Variants in SKIC2 observed in about 807,000 individuals in gnomAD.
SKIC2 encodes the protein superkiller complex protein 2.
At chr6:31,965,499 A>G in the SKIC2 span, among the ~76,000 whole-genome samples, 2 of 152,276 alleles carry the variant, frequency 1.3e-5, no homozygotes, top group Non-Finnish European at 2.9e-5. The surrounding 1 kb of genome is among the most constrained non-coding windows in gnomAD (Gnocchi z 5.6). Context: ...ATAAGATCAT[A>G]TTTATATAAA....
chr6:31,966,560 T>C, the SKIC2 span: 2 of 736,156 alleles, frequency 2.7e-6, no homozygotes, highest in African/African-American at 1.7e-5. The surrounding 1 kb of genome is among the most constrained non-coding windows in gnomAD (Gnocchi z 5.9). Flanking sequence ...CTCCCTTATG[T>C]TACAGAAGAG....
At chr6:31,960,954 C>T in the SKIC2 span, 3 of 1,045,294 alleles carry the variant, frequency 2.9e-6, no homozygotes, top group South Asian at 2.5e-5. Flanking sequence ...AGCATCTGTC[C>T]TGTAAATGGT....
At chr6:31,968,412 C>G in the SKIC2 span, 1 of 1,612,994 alleles carries the variant, frequency 6.2e-7, no homozygotes, top group Non-Finnish European at 8.5e-7. The surrounding 1 kb of genome is among the most constrained non-coding windows in gnomAD (Gnocchi z 6.1). Context: ...GACCTCCCAC[C>G]CTCGACCCTG....
At chr6:31,962,988 G>A in the SKIC2 span, 1 of 1,609,250 alleles carries the variant, frequency 6.2e-7, no homozygotes, top group Non-Finnish European at 8.5e-7. The surrounding 1 kb of genome is among the most constrained non-coding windows in gnomAD (Gnocchi z 5.0). Flanking sequence ...TGCCCAGCGT[G>A]GGGTCGTGTG....
chr6:31,962,656 C>T, the SKIC2 span: 3 of 1,606,544 alleles, frequency 1.9e-6, no homozygotes, highest in Non-Finnish European at 2.6e-6. This position sits in a 1 kb window ranked among gnomAD's most constrained non-coding sequence, Gnocchi z 5.0. Context: ...AGTGTGCTGT[C>T]TGAGGAGGGG....
chr6:31,962,448 C>G, the SKIC2 span: 1 of 1,614,110 alleles, frequency 6.2e-7, no homozygotes, highest in Admixed American at 1.7e-5. This position sits in a 1 kb window ranked among gnomAD's most constrained non-coding sequence, Gnocchi z 5.0. Context: ...GCACCATCTA[C>G]ACTTCGCCCA....
chr6:31,961,306 C>T, the SKIC2 span: 1 of 1,600,858 alleles, frequency 6.2e-7, no homozygotes, highest in South Asian at 1.1e-5. Context: ...GCCAGGAGGT[C>T]CCAGAGGGGA....
chr6:31,961,211 CTCCT>C, the SKIC2 span: 2 of 1,613,986 alleles, frequency 1.2e-6, no homozygotes, highest in Non-Finnish European at 1.7e-6. Flanking sequence ...CCAACTCCAG[CTCCT>C]GGACTACTAA....
the SKIC2 span, chr6:31,969,464 A>C: frequency 6.2e-7 from 1 of 1,613,796 alleles, no homozygotes; most frequent in Non-Finnish European, 8.5e-7. This position sits in a 1 kb window ranked among gnomAD's most constrained non-coding sequence, Gnocchi z 6.1. Flanking sequence ...CTGGCTGGGG[A>C]GAACCTGCCC....
At chr6:31,965,440 CT>C in the SKIC2 span, among the ~76,000 whole-genome samples, 22 of 152,104 alleles carry the variant, frequency 1.4e-4, no homozygotes, top group Admixed American at 6.5e-5. This position sits in a 1 kb window ranked among gnomAD's most constrained non-coding sequence, Gnocchi z 5.6. Context: ...TATATAACCA[CT>C]TTTTATATGA....
At chr6:31,969,217 G>T in the SKIC2 span, 2 of 1,595,746 alleles carry the variant, frequency 1.3e-6, no homozygotes, top group Admixed American at 1.7e-5. This position sits in a 1 kb window ranked among gnomAD's most constrained non-coding sequence, Gnocchi z 6.1. Context: ...CTGCCTTCTT[G>T]ATCTGGTCCT....
the SKIC2 span, chr6:31,962,468 T>C: frequency 6.2e-7 from 1 of 1,614,110 alleles, no homozygotes; most frequent in Non-Finnish European, 8.5e-7. This position sits in a 1 kb window ranked among gnomAD's most constrained non-coding sequence, Gnocchi z 5.0. Flanking sequence ...ATCAAGGCCC[T>C]GAGCAACCAG....
At chr6:31,967,454 G>A in the SKIC2 span, 1 of 1,194,230 alleles carries the variant, frequency 8.4e-7, no homozygotes, top group Non-Finnish European at 1.2e-6. This position sits in a 1 kb window ranked among gnomAD's most constrained non-coding sequence, Gnocchi z 4.9. Flanking sequence ...CTTGGCCAGG[G>A]CAGGTTGCGT....
At chr6:31,964,155 T>C in the SKIC2 span, 1 of 1,604,004 alleles carries the variant, frequency 6.2e-7, no homozygotes, top group Non-Finnish European at 8.5e-7. The surrounding 1 kb of genome is among the most constrained non-coding windows in gnomAD (Gnocchi z 5.0). Context: ...TGTGCGTGCA[T>C]GCACACATTT....
chr6:31,967,056 A>C, the SKIC2 span: 1 of 1,612,948 alleles, frequency 6.2e-7, no homozygotes, highest in South Asian at 1.1e-5. The surrounding 1 kb of genome is among the most constrained non-coding windows in gnomAD (Gnocchi z 4.9). Context: ...GCTTTGGAGG[A>C]GCCTGACATG....
At chr6:31,961,422 C>T in the SKIC2 span, 4 of 1,527,324 alleles carry the variant, frequency 2.6e-6, no homozygotes, top group Non-Finnish European at 2.6e-6. Context: ...AAGAAAGAGC[C>T]TTGCCACCAG....
At chr6:31,962,094 C>T in the SKIC2 span, 2 of 1,605,058 alleles carry the variant, frequency 1.2e-6, no homozygotes, top group African/African-American at 1.3e-5. The surrounding 1 kb of genome is among the most constrained non-coding windows in gnomAD (Gnocchi z 5.0). Context: ...CACCAGCCAG[C>T]CCCATTTTCT....
chr6:31,961,470 G>A, the SKIC2 span: 3 of 1,534,368 alleles, frequency 2.0e-6, no homozygotes, highest in Non-Finnish European at 2.6e-6. Context: ...GGGGAAGAAA[G>A]GGACATCTTT....
chr6:31,965,690 C>T, the SKIC2 span: 2 of 725,488 alleles, frequency 2.8e-6, no homozygotes, highest in Non-Finnish European at 5.0e-6. The surrounding 1 kb of genome is among the most constrained non-coding windows in gnomAD (Gnocchi z 5.6). Context: ...TGGGATGGTG[C>T]CTTATGCCTA....
Sources: allele counts gnomAD v4.1 joint callset (sites outside exome capture counted in the v4.1 genomes callset), GRCh38; gene constraint gnomAD v4.1.1; non-coding constraint Gnocchi (gnomAD v3.1); transcripts MANE v1.5; gene names NCBI Gene and HGNC (gene_info 2026-07-23, HGNC 2026-07-21).